PLCXD3: variants seen among roughly 807,000 people sequenced by gnomAD.
PLCXD3 encodes the protein phosphatidylinositol specific phospholipase C X domain containing 3, also known as PI-PLC X domain-containing protein 3.
Under a neutral mutation model 25.5 loss-of-function variants are expected in PLCXD3, and 19 were observed. The observed-to-expected ratio is 0.75, with a 90% CI of 0.52 to 1.09. PLCXD3 has a LOEUF of 1.09. Among genes scored for constraint, PLCXD3 ranks in the 50% least tolerant of loss-of-function variants. PLCXD3 has a pLI of 0.00. For synonymous variants in PLCXD3, 174 were observed against 137.6 expected (o/e 1.26, Z -1.85); for missense variants, 411 against 388.1 (o/e 1.06, Z -0.50).
rs749287158 is a variant in PLCXD3 at position 41,382,346 on chromosome 5, G to A, written c.292C>T (p.Arg98Ter). 32 of 1,613,332 alleles carry A rather than the reference G, an allele frequency of 2.0e-5. No homozygotes were observed. The highest frequency in any genetic ancestry group is 3.3e-5 in the Admixed American group (2 of 59,872). ...LGAGIRYFDLRISTKPRDPDN... is the reference protein window; with the variant it reads ...LGAGIRYFDL ...GGGTCTCTGGGCTTGGTGGAAATTC[G>A]AAGATCAAAATAACGAATTCCAGCT... The change falls in exon 2 of 3, where the codon CGA becomes TGA. Residue 98 changes from arginine (R) to a stop codon, truncating the protein, a stop_gained. Transcript: ENST00000377801. LOFTEE classifies it high-confidence loss of function.
chr5:41,362,148 G>C (rs1744801702), intron 2 of PLCXD3, among the ~76,000 whole-genome samples: 1 of 152,132 alleles, frequency 6.6e-6, no homozygotes, highest in African/African-American at 2.4e-5. Context: ...CAGGACTTTT[G>C]TTTGTCCCTG....
chr5:41,439,083 A>T (rs965909588), intron 1 of PLCXD3, among the ~76,000 whole-genome samples: 10 of 152,198 alleles, frequency 6.6e-5, no homozygotes, highest in Non-Finnish European at 1.5e-4. Flanking sequence ...ACACTTCCTG[A>T]TATTCCTGAT....
intron 1 of PLCXD3, among the ~76,000 whole-genome samples, chr5:41,440,215 A>ATTTTTTTTTTTTTTTTTTTTTTTTT (rs70988846): frequency 1.5e-4 from 6 of 41,080 alleles, no homozygotes; most frequent in African/African-American, 3.1e-4. Flanking sequence ...TAATCTCTCA[A>ATTTTTTTTTTTTTTTTTTTTTTTTT]TTTTTTTTTT....
At chr5:41,316,516 C>A (rs1052698301) in intron 2 of PLCXD3, among the ~76,000 whole-genome samples, 1 of 152,154 alleles carries the variant, frequency 6.6e-6, no homozygotes, top group Non-Finnish European at 1.5e-5. Context: ...ACCTTTGGTA[C>A]CAACACTGCC....
At chr5:41,482,972 T>C (rs998110235) in intron 1 of PLCXD3, among the ~76,000 whole-genome samples, 2 of 152,218 alleles carry the variant, frequency 1.3e-5, no homozygotes, top group Non-Finnish European at 2.9e-5. Flanking sequence ...CTAGTTTCTA[T>C]TTCTTCAAAT....
chr5:41,509,430 A>T (rs1418763781), intron 1 of PLCXD3, among the ~76,000 whole-genome samples: 4 of 151,866 alleles, frequency 2.6e-5, no homozygotes, highest in Admixed American at 1.3e-4. Context: ...TCCTGAAACG[A>T]CCCTCACTCC....
At chr5:41,425,552 T>C (rs1322399368) in intron 1 of PLCXD3, among the ~76,000 whole-genome samples, 1 of 152,214 alleles carries the variant, frequency 6.6e-6, no homozygotes, top group Non-Finnish European at 1.5e-5. Context: ...TTTGGACAAA[T>C]GTATAATGAC....
intron 1 of PLCXD3, among the ~76,000 whole-genome samples, chr5:41,385,982 T>G (rs1376186846): frequency 6.6e-6 from 1 of 152,104 alleles, no homozygotes; most frequent in Non-Finnish European, 1.5e-5. Context: ...AGTTAAGTAA[T>G]GCTTAGCTTC....
At chr5:41,417,822 G>A (rs144273489) in intron 1 of PLCXD3, among the ~76,000 whole-genome samples, 111 of 152,276 alleles carry the variant, frequency 7.3e-4, no homozygotes, top group African/African-American at 2.5e-3. Flanking sequence ...CCAGAGAAAC[G>A]TGCCCACTGT....
chr5:41,374,811 T>C (rs1267689631), intron 2 of PLCXD3, among the ~76,000 whole-genome samples: 1 of 152,136 alleles, frequency 6.6e-6, no homozygotes, highest in Non-Finnish European at 1.5e-5. Flanking sequence ...TCTGCTGCTG[T>C]GCTGACCTGT....
At chr5:41,353,567 A>G (rs754221115) in intron 2 of PLCXD3, among the ~76,000 whole-genome samples, 5 of 152,222 alleles carry the variant, frequency 3.3e-5, no homozygotes, top group Non-Finnish European at 7.3e-5. Context: ...TTGAGCATCT[A>G]CTATATGCCA....
intron 2 of PLCXD3, among the ~76,000 whole-genome samples, chr5:41,357,691 T>C (rs1298565850): frequency 6.6e-6 from 1 of 152,236 alleles, no homozygotes; most frequent in East Asian, 1.9e-4. Flanking sequence ...GTCTCACTGA[T>C]AATTCTGATT....
intron 1 of PLCXD3, among the ~76,000 whole-genome samples, chr5:41,398,975 T>C (rs1290777007): frequency 1.3e-5 from 2 of 152,106 alleles, no homozygotes; most frequent in African/African-American, 2.4e-5. Context: ...AGAACAACTA[T>C]TAGAACTTAT....
chr5:41,396,084 C>T (rs911121668), intron 1 of PLCXD3, among the ~76,000 whole-genome samples: 1 of 151,650 alleles, frequency 6.6e-6, no homozygotes, highest in Admixed American at 6.6e-5. Flanking sequence ...AAATCCTCAG[C>T]AAAATACTAG....
At chr5:41,486,660 T>C (rs1245158783) in intron 1 of PLCXD3, among the ~76,000 whole-genome samples, 3 of 152,124 alleles carry the variant, frequency 2.0e-5, no homozygotes, top group Non-Finnish European at 4.4e-5. Flanking sequence ...AAAAAGGCAG[T>C]CCCTACCAGA....
At chr5:41,365,146 A>T (rs1343507735) in intron 2 of PLCXD3, among the ~76,000 whole-genome samples, 1 of 152,128 alleles carries the variant, frequency 6.6e-6, no homozygotes, top group Non-Finnish European at 1.5e-5. Context: ...CTAATATCTT[A>T]TTGTGTGGAA....
intron 1 of PLCXD3, among the ~76,000 whole-genome samples, chr5:41,385,198 G>GC (rs763914611): frequency 5.3e-5 from 8 of 152,174 alleles, no homozygotes; most frequent in Non-Finnish European, 4.4e-5. Flanking sequence ...TGTCTTTAAA[G>GC]CCAGGAGTCC....
chr5:41,465,362 T>A (rs1333738476), intron 1 of PLCXD3, among the ~76,000 whole-genome samples: 70 of 135,012 alleles, frequency 5.2e-4, no homozygotes, highest in African/African-American at 1.9e-3. Flanking sequence ...TCTTTTTTTT[T>A]TTTTTTTTTT....
chr5:41,392,952 A>G lies in PLCXD3; in HGVS notation c.104-10418T>C, dbSNP rs1580346587. ...AGAATGCATCGGGATCCTTTAATAAAAGAATTAATCAAGCAGAATAAATAA... is the reference window on the plus strand; with the variant it reads ...AGAATGCATCGGGATCCTTTAATAAGAGAATTAATCAAGCAGAATAAATAA... On this transcript the variant is annotated intron_variant, in intron 1 of 2. Transcript: ENST00000377801. Among the ~76,000 whole-genome samples, 3 of 152,204 alleles carry G rather than the reference A, an allele frequency of 2.0e-5. No individual in the cohort carries two copies. In the South Asian group the frequency reaches 6.2e-4, roughly 31 times the overall value.
Sources: allele counts gnomAD v4.1 joint callset (sites outside exome capture counted in the v4.1 genomes callset), GRCh38; gene constraint gnomAD v4.1.1; transcripts MANE v1.5; gene names NCBI Gene and HGNC (gene_info 2026-07-23, HGNC 2026-07-21).